The following ADIPOR2 variants were observed in gnomAD, a reference collection of about 807,000 sequenced individuals.
ADIPOR2 encodes the protein adiponectin receptor 2, also known as adiponectin receptor protein 2.
Under a neutral mutation model 40.9 loss-of-function variants are expected in ADIPOR2, and 18 were observed. The observed-to-expected ratio is 0.44, with a 90% confidence interval of 0.30 to 0.65. The LOEUF (loss-of-function observed/expected upper bound fraction) is 0.65. ADIPOR2 is among the 30% of genes least tolerant of loss of function. ADIPOR2 has a pLI of 0.09. For synonymous variants in ADIPOR2, 165 were observed against 166.4 expected (o/e 0.99, Z 0.06); for missense variants, 283 against 479.2 (o/e 0.59, Z 3.82).
At chr12:1,774,380 A>T (rs892869285) in intron 3 of ADIPOR2, among the ~76,000 whole-genome samples, 21 of 152,320 alleles carry the variant, frequency 1.4e-4, no homozygotes, top group Admixed American at 7.2e-4. Context: ...AGTGTTGTAA[A>T]TATCCCTTAG....
intron 1 of ADIPOR2, among the ~76,000 whole-genome samples, chr12:1,712,318 C>A (rs576970541): frequency 6.6e-6 from 1 of 152,096 alleles, no homozygotes; most frequent in Non-Finnish European, 1.5e-5. Context: ...GGAGTAGCAC[C>A]TGGTATCCAA....
chr12:1,737,414 G>A (rs1404058262), intron 1 of ADIPOR2, among the ~76,000 whole-genome samples: 2 of 152,062 alleles, frequency 1.3e-5, no homozygotes, highest in Non-Finnish European at 2.9e-5. Flanking sequence ...TTTCTGCTGA[G>A]TGTGTTTCAA....
chr12:1,723,387 T>C (rs1850913415), intron 1 of ADIPOR2, among the ~76,000 whole-genome samples: 2 of 149,848 alleles, frequency 1.3e-5, no homozygotes, highest in Admixed American at 6.7e-5. Flanking sequence ...CCCAGCACTT[T>C]GGGATGCTGA....
intron 2 of ADIPOR2, among the ~76,000 whole-genome samples, chr12:1,759,381 C>CT (rs1309785925): frequency 6.6e-6 from 1 of 152,084 alleles, no homozygotes; most frequent in Non-Finnish European, 1.5e-5. Flanking sequence ...CTTAGGCTCT[C>CT]TTAAGTTGTG....
intron 4 of ADIPOR2, chr12:1,778,285 A>G: frequency 3.0e-6 from 1 of 333,774 alleles, no homozygotes; most frequent in Non-Finnish European, 5.5e-6. Flanking sequence ...AAAAGTTGCT[A>G]TACAAAATGT....
At chr12:1,695,024 T>TG (rs200872270) in intron 1 of ADIPOR2, among the ~76,000 whole-genome samples, 1,918 of 144,500 alleles carry the variant, frequency 0.013, 41 homozygotes, top group African/African-American at 0.038. Flanking sequence ...TTTTTTTTTT[T>TG]TTTGTTTTGT....
At chr12:1,712,157 GCTAAGGGGACTT>G (rs2094678606) in intron 1 of ADIPOR2, among the ~76,000 whole-genome samples, 1 of 152,084 alleles carries the variant, frequency 6.6e-6, no homozygotes. Context: ...GTCAGGATTA[GCTAAGGGGACTT>G]CTAAGAGATC....
intron 1 of ADIPOR2, among the ~76,000 whole-genome samples, chr12:1,712,009 C>T (rs564529486): frequency 6.6e-6 from 1 of 152,188 alleles, no homozygotes; most frequent in Middle Eastern, 3.4e-3. Flanking sequence ...GGGTAAGTGC[C>T]ACTAGTTCTG....
At chr12:1,711,463 C>T (rs1205563485) in intron 1 of ADIPOR2, among the ~76,000 whole-genome samples, 1 of 151,978 alleles carries the variant, frequency 6.6e-6, no homozygotes, top group East Asian at 1.9e-4. Context: ...GGTGCCTGTC[C>T]AGTTGGTGGG....
chr12:1,710,475 T>G lies in ADIPOR2; in HGVS notation c.-87+19284T>G, dbSNP rs368640536. Among the ~76,000 whole-genome samples the G allele has an allele frequency of 5.9e-5, 9 of 152,170 alleles. No individual in the cohort carries two copies. The East Asian group carries it at 1.5e-3, about 26-fold the overall frequency. On this transcript the variant is annotated intron_variant, in intron 1 of 7. Transcript: ENST00000357103. ...CCATTGGACCCCTTTTGCTTGCTAT[T>G]CTGTCCTATTTTTCCTTACAATTCA...
rs779876961 is a variant in ADIPOR2 at position 1,786,048 on chromosome 12, C to T, written c.1137C>T (p.Gly379=). The change falls in exon 8 of 8, where the codon GGC becomes GGT. Residue 379 remains glycine (G), a synonymous_variant. Coordinates refer to ENST00000357103, the MANE Select transcript of ADIPOR2 (RefSeq NM_024551.3). The part of the protein sequence containing the change: ...LQEFRFMIGG[G]CSEEDAL Reference sequence around the variant, plus strand: ...AGTTTCGTTTCATGATCGGCGGGGGCTGCAGTGAAGAGGATGCACTGTGAT... The same window carrying T: ...AGTTTCGTTTCATGATCGGCGGGGGTTGCAGTGAAGAGGATGCACTGTGAT... 4 of 1,613,866 alleles carry T rather than the reference C, an allele frequency of 2.5e-6. No individual in the cohort carries two copies. The highest frequency in any genetic ancestry group is 1.3e-5 in the African/African-American group (1 of 74,862).
At chr12:1,757,554 TTCACCTTGATGAGGGAA>T in intron 2 of ADIPOR2, 1 of 893,248 alleles carries the variant, frequency 1.1e-6, no homozygotes, top group South Asian at 1.3e-5. Context: ...AATGGTATCA[TTCACCTTGATGAGGGAA>T]TCAGGGTAGC....
At chr12:1,725,850 AT>A (rs1436170046) in intron 1 of ADIPOR2, among the ~76,000 whole-genome samples, 2 of 152,276 alleles carry the variant, frequency 1.3e-5, no homozygotes, top group East Asian at 3.9e-4. Context: ...AATGATTTTA[AT>A]TTCTTTTTTT....
chr12:1,735,686 C>G (rs886069300), intron 1 of ADIPOR2, among the ~76,000 whole-genome samples: 7 of 152,134 alleles, frequency 4.6e-5, no homozygotes, highest in Non-Finnish European at 8.8e-5. Context: ...TTTTCAAAGG[C>G]AATGCTTCCA....
At position 1,786,107 on chromosome 12, in the gene ADIPOR2, C is replaced by G; in HGVS notation, c.*35C>G. On this transcript the variant is annotated 3_prime_UTR_variant, in exon 8 of 8. Transcript: ENST00000357103. Reference sequence around the variant, plus strand: ...GTCTCCAGGGACTATGACCCTAAACCAGGGCCTGCGGCACTTGCGGGCCTC... The same window carrying G: ...GTCTCCAGGGACTATGACCCTAAACGAGGGCCTGCGGCACTTGCGGGCCTC... The G allele has an allele frequency of 6.2e-7, 1 of 1,601,144 alleles. No homozygotes were observed. The highest frequency in any genetic ancestry group is 8.5e-7 in the Non-Finnish European group (1 of 1,174,436).
chr12:1,698,503 T>C (rs1043708297), intron 1 of ADIPOR2, among the ~76,000 whole-genome samples: 2 of 152,170 alleles, frequency 1.3e-5, no homozygotes, highest in East Asian at 3.9e-4. Flanking sequence ...GATTATAGGC[T>C]TGAGCCACCA....
chr12:1,781,772 A>G lies in ADIPOR2; in HGVS notation c.838+696A>G, dbSNP rs578104173. Among the ~76,000 whole-genome samples the G allele has an allele frequency of 2.0e-5, 3 of 152,234 alleles. No homozygotes were observed. The East Asian group carries it at 5.8e-4, about 29-fold the overall frequency. Reference sequence around the variant, plus strand: ...TTTTCCTTTCGTCCTTAAACCCCCAAAACCATTTAGTATTAAAATCTAAAC... The same window carrying G: ...TTTTCCTTTCGTCCTTAAACCCCCAGAACCATTTAGTATTAAAATCTAAAC... On this transcript the variant is annotated intron_variant, in intron 6 of 7. Transcript: ENST00000357103.
At chr12:1,744,977 C>T (rs2094751798) in intron 1 of ADIPOR2, among the ~76,000 whole-genome samples, 1 of 151,736 alleles carries the variant, frequency 6.6e-6, no homozygotes, top group Admixed American at 6.6e-5. Context: ...AAATGGGTGC[C>T]CTTTAAATTT....
chr12:1,731,822 T>TG (rs932272269), intron 1 of ADIPOR2, among the ~76,000 whole-genome samples: 12 of 152,058 alleles, frequency 7.9e-5, no homozygotes, highest in Admixed American at 5.9e-4. Flanking sequence ...TAGCCGGGCG[T>TG]GGTGGCTGGC....
Sources: gnomAD v4.1 joint callset for allele counts (sites outside exome capture counted in the v4.1 genomes callset) on GRCh38, gnomAD v4.1.1 for gene constraint, MANE v1.5 for transcripts, NCBI Gene and HGNC (gene_info 2026-07-23, HGNC 2026-07-21) for gene names.